Variants in SCAPER observed in about 807,000 individuals in gnomAD.
SCAPER encodes S phase cyclin A-associated protein in the endoplasmic reticulum.
Under a neutral mutation model 182.2 loss-of-function variants are expected in SCAPER, and 98 were observed. That is an observed-to-expected ratio of 0.54 (90% confidence interval 0.46 to 0.64). SCAPER has a LOEUF of 0.64. Among genes scored for constraint, SCAPER ranks in the 30% least tolerant of loss-of-function variants. The probability of loss-of-function intolerance (pLI) is 0.00; values close to 1 mark genes in which losing one functional copy is unlikely to be tolerated. For synonymous variants in SCAPER, 605 were observed against 564.6 expected, an observed-to-expected ratio of 1.07 and a Z score of -1.01; for missense variants, 1,432 against 1,690.0, an observed-to-expected ratio of 0.85 and a Z score of 2.68.
intron 23 of SCAPER, among the ~76,000 whole-genome samples, chr15:76,546,718 T>A (rs1171037652): frequency 6.6e-6 from 1 of 152,224 alleles, no homozygotes; most frequent in East Asian, 1.9e-4. Flanking sequence ...CTTAAGTATT[T>A]TCAAGTGTTA....
At chr15:76,890,258 C>A (rs1190621675) in intron 1 of SCAPER, among the ~76,000 whole-genome samples, 1 of 152,086 alleles carries the variant, frequency 6.6e-6, no homozygotes, top group African/African-American at 2.4e-5. Context: ...ATTAAAAGAA[C>A]TAGAGAAGCA....
chr15:76,559,671 T>C (rs1057005457), intron 23 of SCAPER, among the ~76,000 whole-genome samples: 2 of 152,180 alleles, frequency 1.3e-5, no homozygotes, highest in Non-Finnish European at 2.9e-5. Flanking sequence ...TTCTCATTTG[T>C]AAGTGGGAGC....
rs1404510980 is a variant in SCAPER, at chr15:76,440,912, TTTTTTG to T, written c.3079-6608_3079-6603del. On this transcript the variant is annotated intron_variant, in intron 25 of 31. Transcript: ENST00000563290. ...TTAAAATTATTCCCCTTCTGGTTTTTTTTTTGTTTTTTTTTTTTTTTTTTTTGGGGA... is the reference window on the plus strand; with the variant it reads ...TTAAAATTATTCCCCTTCTGGTTTTTTTTTTTTTTTTTTTTTTTTTGGGGA... 3.4e-4 allele frequency among the ~76,000 whole-genome samples: 20 copies of T among 58,592 alleles called. 2 individuals carry two copies. Among genetic ancestry groups the T allele is most frequent in the South Asian group, 7.0e-4 (1 of 1,432 alleles). The allele number at this position is 58,592 out of a possible 152,430, so 38.4% of individuals were successfully genotyped here.
chr15:76,612,738 A>G (rs1275008262), intron 22 of SCAPER, among the ~76,000 whole-genome samples: 1 of 152,248 alleles, frequency 6.6e-6, no homozygotes, highest in Non-Finnish European at 1.5e-5. Context: ...CTCTACAAGG[A>G]GAACTGCAAA....
At chr15:76,468,732 C>T (rs1016506813) in intron 25 of SCAPER, among the ~76,000 whole-genome samples, 5 of 151,990 alleles carry the variant, frequency 3.3e-5, no homozygotes, top group African/African-American at 9.7e-5. Flanking sequence ...TACTAGGGTC[C>T]GAATGCTGTG....
intron 2 of SCAPER, among the ~76,000 whole-genome samples, chr15:76,868,940 G>C (rs2072500061): frequency 6.6e-6 from 1 of 152,100 alleles, no homozygotes; most frequent in Non-Finnish European, 1.5e-5. Flanking sequence ...GAACAGAATA[G>C]AGAACCCAGA....
chr15:76,808,613 C>T lies in SCAPER; in HGVS notation c.394-3980G>A, dbSNP rs531117901. ...TCCCTCAAGGAAACTGACTACACAC[C>T]TAATGTCCTGACTTCTCCAGCTGCT... On this transcript the variant is annotated intron_variant, in intron 5 of 31. Transcript: ENST00000563290. Among the ~76,000 whole-genome samples, 68 of 152,314 alleles carry T rather than the reference C, an allele frequency of 4.5e-4. 1 individual carries two copies. In the South Asian group the frequency reaches 0.014, roughly 31 times the overall value.
intron 17 of SCAPER, among the ~76,000 whole-genome samples, chr15:76,720,917 G>C (rs372673451): frequency 6.6e-5 from 10 of 152,058 alleles, no homozygotes; most frequent in South Asian, 2.1e-4. Flanking sequence ...TGTGCAGAAG[G>C]TCTTTAGTTT....
intron 26 of SCAPER, among the ~76,000 whole-genome samples, chr15:76,429,195 T>A (rs555042814): frequency 2.0e-5 from 3 of 152,188 alleles, no homozygotes; most frequent in African/African-American, 7.2e-5. Flanking sequence ...TCCCCAGCCA[T>A]CTGGAAATTT....
At chr15:76,437,416 T>C (rs2047268106) in intron 25 of SCAPER, among the ~76,000 whole-genome samples, 1 of 152,228 alleles carries the variant, frequency 6.6e-6, no homozygotes, top group Admixed American at 6.5e-5. Context: ...TGAGGGTTTA[T>C]AACTTTCATC....
intron 2 of SCAPER, among the ~76,000 whole-genome samples, chr15:76,869,168 T>C (rs570215470): frequency 2.0e-3 from 310 of 152,018 alleles, no homozygotes; most frequent in African/African-American, 7.1e-3. Context: ...ACTACTAAAA[T>C]AAAACTTAAA....
intron 25 of SCAPER, among the ~76,000 whole-genome samples, chr15:76,454,315 C>T (rs2048571826): frequency 1.3e-5 from 2 of 152,298 alleles, no homozygotes; most frequent in African/African-American, 4.8e-5. Flanking sequence ...TTGTATTTGA[C>T]CGCTTGTTTG....
chr15:76,713,425 T>C (rs1327681762), intron 17 of SCAPER, among the ~76,000 whole-genome samples: 2 of 151,798 alleles, frequency 1.3e-5, no homozygotes, highest in Non-Finnish European at 2.9e-5. Flanking sequence ...GTGGCACATA[T>C]ACACCATGGA....
chr15:76,488,200 C>T (rs1292499838), intron 24 of SCAPER, among the ~76,000 whole-genome samples: 1 of 151,994 alleles, frequency 6.6e-6, no homozygotes, highest in Non-Finnish European at 1.5e-5. Context: ...AATTCAAATT[C>T]TAGACTAAGG....
chr15:76,455,744 G>C (rs1198152937), intron 25 of SCAPER, among the ~76,000 whole-genome samples: 1 of 152,072 alleles, frequency 6.6e-6, no homozygotes, highest in East Asian at 1.9e-4. Flanking sequence ...TGCCGTGGTG[G>C]TTTGCTGCAC....
chr15:76,791,231 A>G (rs1199759278), intron 8 of SCAPER, among the ~76,000 whole-genome samples: 2 of 152,232 alleles, frequency 1.3e-5, no homozygotes, highest in Non-Finnish European at 2.9e-5. Flanking sequence ...TAAATGTTCC[A>G]TATGTGCTTG....
intron 17 of SCAPER, among the ~76,000 whole-genome samples, chr15:76,723,617 G>A (rs2150984867): frequency 6.6e-6 from 1 of 152,318 alleles, no homozygotes; most frequent in South Asian, 2.1e-4. Context: ...GGGTGCTCCT[G>A]TATTGGGTGC....
intron 5 of SCAPER, among the ~76,000 whole-genome samples, chr15:76,826,318 A>T (rs1452804407): frequency 1.3e-5 from 2 of 150,254 alleles, no homozygotes; most frequent in African/African-American, 2.4e-5. Context: ...AAGAACAAAA[A>T]ACCAAACACC....
intron 25 of SCAPER, among the ~76,000 whole-genome samples, chr15:76,462,154 A>G (rs1026601582): frequency 1.3e-5 from 2 of 152,172 alleles, no homozygotes; most frequent in Admixed American, 1.3e-4. Flanking sequence ...AGTTCTAGCC[A>G]GCCCATGTGG....
Sources: allele counts gnomAD v4.1 joint callset (sites outside exome capture counted in the v4.1 genomes callset), GRCh38; gene constraint gnomAD v4.1.1; transcripts MANE v1.5; gene names NCBI Gene and HGNC (gene_info 2026-07-23, HGNC 2026-07-21).